Variants in BIRC6 observed in about 807,000 individuals in gnomAD.
The protein encoded by BIRC6 is dual E2 ubiquitin-conjugating enzyme/E3 ubiquitin-protein ligase BIRC6.
BIRC6 carries 98 observed loss-of-function variants against 503.3 expected under a neutral mutation model. The observed-to-expected ratio is 0.19, with a 90% CI of 0.17 to 0.23. The LOEUF is 0.23. BIRC6 is among the 10% of genes least tolerant of loss of function. The pLI is 1.00. For synonymous variants in BIRC6, 2,240 were observed against 2,078.7 expected (o/e 1.08, Z -2.11); for missense variants, 5,360 against 5,806.0 (o/e 0.92, Z 2.50).
chr2:32,388,804 G>A lies in BIRC6; in HGVS notation c.700G>A (p.Ala234Thr). The change falls in exon 4 of 74, where the codon GCC (alanine) becomes ACC (threonine). Residue 234 changes from alanine (A) to threonine (T), a missense_variant. Transcript: ENST00000421745. ...TCATGTGTTGAAGTCCATTGCCAGT[G>A]CCATTGTAAATGAACTCAAGAAAAT... Reference protein sequence around the residue: ...PHHVLKSIASAIVNELKKINQ... With the variant: ...PHHVLKSIASTIVNELKKINQ... 6.2e-7 allele frequency: 1 copy of A among 1,612,958 alleles called. No individual in the cohort carries two copies. Among genetic ancestry groups the A allele is most frequent in the Non-Finnish European group, 8.5e-7 (1 of 1,179,498 alleles).
At position 32,594,019 on chromosome 2, in the gene BIRC6, T is replaced by C; in HGVS notation, c.13460T>C (p.Ile4487Thr). 1 of 1,613,380 alleles carries C rather than the reference T, an allele frequency of 6.2e-7. No individual in the cohort carries two copies. The highest frequency in any genetic ancestry group is 8.5e-7 in the Non-Finnish European group (1 of 1,179,556). Residue 4487 changes from isoleucine (I) to threonine (T), a missense_variant, in exon 67 of 74, where the codon ATA (isoleucine) becomes ACA (threonine). By Grantham distance (89) the Ile-to-Thr change is moderately conservative (BLOSUM62 -1). Transcript: ENST00000421745. ...CCAGACATCCAAAAGACTGCTGAGATAGTTTATGCAGCCACCACCAGTTTG... is the reference window on the plus strand; with the variant it reads ...CCAGACATCCAAAAGACTGCTGAGACAGTTTATGCAGCCACCACCAGTTTG... ...LVPDIQKTAE[I>T]VYAATTSLRQ...
At chr2:32,499,209 A>G (rs919000882) in intron 45 of BIRC6, among the ~76,000 whole-genome samples, 4 of 152,248 alleles carry the variant, frequency 2.6e-5, no homozygotes, top group Admixed American at 6.5e-5. Context: ...GGAAAAAATT[A>G]GAACTCATTT....
At chr2:32,368,734 G>T (rs541485417) in intron 1 of BIRC6, among the ~76,000 whole-genome samples, 1 of 151,746 alleles carries the variant, frequency 6.6e-6, no homozygotes, top group African/African-American at 2.4e-5. Context: ...TCACTTCAAC[G>T]TCTTCCTCCT....
intron 66 of BIRC6, among the ~76,000 whole-genome samples, chr2:32,575,918 T>A (rs2060238616): frequency 2.0e-5 from 3 of 152,258 alleles, no homozygotes; most frequent in African/African-American, 4.8e-5. Flanking sequence ...GCTATAGGTA[T>A]GAAGTTTTTC....
chr2:32,580,654 A>T (rs962994861), intron 66 of BIRC6, among the ~76,000 whole-genome samples: 1 of 152,188 alleles, frequency 6.6e-6, no homozygotes, highest in East Asian at 1.9e-4. Flanking sequence ...GATGGTCTTC[A>T]GGTGTAGTTG....
intron 1 of BIRC6, among the ~76,000 whole-genome samples, chr2:32,374,899 G>T (rs2036523282): frequency 5.3e-5 from 8 of 152,114 alleles, no homozygotes; most frequent in Admixed American, 5.2e-4. Flanking sequence ...CCACCATGCT[G>T]ACGCCACCTG....
At chr2:32,395,473 A>G in intron 5 of BIRC6, 38 bp from the exon 6 acceptor site, 2 of 1,437,604 alleles carry the variant, frequency 1.4e-6, no homozygotes, top group Non-Finnish European at 1.9e-6. Flanking sequence ...TTTAATAATG[A>G]TTTACCTTTT....
chr2:32,468,192 G>A, intron 28 of BIRC6, 81 bp downstream of exon 28: 1 of 1,414,402 alleles, frequency 7.1e-7, no homozygotes, highest in Admixed American at 2.0e-5. Flanking sequence ...GTCAAGAAAT[G>A]TCTTTTCATA....
chr2:32,562,120 G>C (rs1270330639), intron 65 of BIRC6, among the ~76,000 whole-genome samples: 1 of 152,010 alleles, frequency 6.6e-6, no homozygotes, highest in Non-Finnish European at 1.5e-5. Context: ...CAAATTTGTG[G>C]GATCTCTTTT....
intron 61 of BIRC6, among the ~76,000 whole-genome samples, chr2:32,535,508 T>C (rs1237376456): frequency 1.3e-5 from 2 of 152,244 alleles, no homozygotes; most frequent in East Asian, 1.9e-4. Flanking sequence ...CCTGTGTCCA[T>C]GTGTTCTCAT....
intron 23 of BIRC6, among the ~76,000 whole-genome samples, chr2:32,456,284 G>T (rs1376537065): frequency 6.6e-6 from 1 of 152,048 alleles, no homozygotes; most frequent in Admixed American, 6.6e-5. Flanking sequence ...ATGTATATTT[G>T]GTTTGCCTTC....
In BIRC6 at chr2:32,525,586, A is replaced by G. The variant is rs1271145685; in HGVS notation, c.11878A>G (p.Ile3960Val). The change falls in exon 59 of 74, where the codon ATT (isoleucine) becomes GTT (valine). Residue 3960 changes from isoleucine to valine, a missense_variant. Around this residue, in one of 16 missense-constraint regions of BIRC6, gnomAD observed 878 missense variants for 928.9 expected, o/e 0.95. Coordinates refer to ENST00000421745, the MANE Select transcript of BIRC6 (RefSeq NM_016252.4). ...TSGAEAANKI[I>V]TVPVFHLFHK... ...AGGAGCAGAGGCTGCCAACAAAATA[A>G]TTACTGTCCCAGTGTTTCACCTGTT... 1 of 1,613,968 alleles carries G rather than the reference A, an allele frequency of 6.2e-7. No homozygotes were observed. The highest frequency in any genetic ancestry group is 2.2e-5 in the East Asian group (1 of 44,872).
At chr2:32,613,229 C>G (rs922027617) in intron 73 of BIRC6, among the ~76,000 whole-genome samples, 4 of 151,892 alleles carry the variant, frequency 2.6e-5, no homozygotes, top group African/African-American at 9.7e-5. Context: ...GACACTGTCT[C>G]TCTCTGCCAC....
chr2:32,481,030 G>A (rs764302315), intron 37 of BIRC6, among the ~76,000 whole-genome samples: 45 of 152,096 alleles, frequency 3.0e-4, no homozygotes, highest in Non-Finnish European at 5.0e-4. Flanking sequence ...CATGTTAGAT[G>A]TAATAGAATG....
intron 10 of BIRC6, among the ~76,000 whole-genome samples, chr2:32,425,109 T>C (rs1474162729): frequency 6.6e-6 from 1 of 151,812 alleles, no homozygotes; most frequent in Non-Finnish European, 1.5e-5. Context: ...TTTTTTTTTT[T>C]TTGATTGAGT....
intron 28 of BIRC6, 22 bp downstream of exon 28, chr2:32,468,133 T>A: frequency 6.2e-7 from 1 of 1,601,890 alleles, no homozygotes; most frequent in Non-Finnish European, 8.5e-7. Flanking sequence ...GTGCAAATTT[T>A]AATGTTATTG....
intron 37 of BIRC6, 27 bp downstream of exon 37, chr2:32,479,644 TTATTC>T: frequency 2.0e-6 from 3 of 1,509,234 alleles, no homozygotes; most frequent in Non-Finnish European, 2.7e-6. Flanking sequence ...TGTTTCTTCT[TTATTC>T]TATTAAATGG....
At chr2:32,557,617 T>C (rs1317817765) in intron 65 of BIRC6, 1 of 152,232 alleles carries the variant, frequency 6.6e-6, no homozygotes, top group Non-Finnish European at 1.5e-5. Context: ...CTTAATATTC[T>C]GGAGGTGTGC....
intron 54 of BIRC6, among the ~76,000 whole-genome samples, chr2:32,514,243 C>T (rs1414780968): frequency 6.6e-6 from 1 of 152,046 alleles, no homozygotes; most frequent in East Asian, 1.9e-4. Context: ...ATCACTTGAA[C>T]CCAGGAGTTA....
Sources: allele counts gnomAD v4.1 joint callset (sites outside exome capture counted in the v4.1 genomes callset), GRCh38; gene constraint gnomAD v4.1.1; regional missense constraint gnomAD v4.1.1; transcripts MANE v1.5; gene names NCBI Gene and HGNC (gene_info 2026-07-23, HGNC 2026-07-21).